The following SPMIP2 variants were observed in gnomAD, a reference collection of about 807,000 sequenced individuals.
SPMIP2 encodes the protein sperm microtubule inner protein 2.
the SPMIP2 span, among the ~76,000 whole-genome samples, chr4:159,077,203 C>A: frequency 1.3e-4 from 20 of 151,436 alleles, no homozygotes; most frequent in Non-Finnish European, 2.8e-4. Flanking sequence ...TACAATGGTG[C>A]GGTCTCGGCT....
chr4:158,998,882 C>T, the SPMIP2 span, among the ~76,000 whole-genome samples: 17 of 152,058 alleles, frequency 1.1e-4, no homozygotes, highest in South Asian at 1.7e-3. Flanking sequence ...AACGTATGTA[C>T]CATTGAGGCC....
chr4:158,929,877 T>C, the SPMIP2 span, among the ~76,000 whole-genome samples: 6 of 152,216 alleles, frequency 3.9e-5, no homozygotes, highest in Non-Finnish European at 8.8e-5. Context: ...ACCAGTGCCC[T>C]TTATTTCTTC....
At chr4:159,054,970 C>A in the SPMIP2 span, among the ~76,000 whole-genome samples, 2 of 152,180 alleles carry the variant, frequency 1.3e-5, no homozygotes, top group Admixed American at 6.5e-5. Context: ...TTATTCCCCC[C>A]ATCTGAGGCT....
At chr4:159,003,394 AGTAAG>A in the SPMIP2 span, among the ~76,000 whole-genome samples, 1 of 152,216 alleles carries the variant, frequency 6.6e-6, no homozygotes, top group Admixed American at 6.5e-5. Context: ...GTAAGAATTA[AGTAAG>A]GTATTGTATG....
the SPMIP2 span, among the ~76,000 whole-genome samples, chr4:158,984,620 C>T: frequency 6.6e-6 from 1 of 151,704 alleles, no homozygotes; most frequent in Non-Finnish European, 1.5e-5. Context: ...ATCTCTGGGA[C>T]ACATTCAAAG....
At chr4:158,923,780 T>C in the SPMIP2 span, among the ~76,000 whole-genome samples, 1 of 152,328 alleles carries the variant, frequency 6.6e-6, no homozygotes, top group African/African-American at 2.4e-5. Flanking sequence ...GACATCCTTG[T>C]CTTGTTTTTG....
At chr4:158,900,449 CATT>C in the SPMIP2 span, among the ~76,000 whole-genome samples, 12 of 152,214 alleles carry the variant, frequency 7.9e-5, no homozygotes, top group African/African-American at 2.4e-4. Context: ...TAAAGTCTCC[CATT>C]ATTATTGTGT....
At chr4:158,904,433 A>G in the SPMIP2 span, 1 of 1,541,494 alleles carries the variant, frequency 6.5e-7, no homozygotes, top group Non-Finnish European at 9.0e-7. Context: ...ATGCTCTTTT[A>G]AAGTAATATT....
At chr4:158,911,384 AAAAT>A in the SPMIP2 span, among the ~76,000 whole-genome samples, 446 of 79,276 alleles carry the variant, frequency 5.6e-3, 3 homozygotes, top group African/African-American at 0.026. Context: ...ATAAATAAAT[AAAAT>A]AAATAAAAGC....
chr4:158,897,656 G>C, the SPMIP2 span, among the ~76,000 whole-genome samples: 1 of 152,212 alleles, frequency 6.6e-6, no homozygotes, highest in South Asian at 2.1e-4. Flanking sequence ...AGAAGTGTCT[G>C]TTCATATCCT....
the SPMIP2 span, among the ~76,000 whole-genome samples, chr4:158,976,694 C>G: frequency 9.0e-6 from 1 of 111,410 alleles, no homozygotes; most frequent in Admixed American, 1.2e-4. Flanking sequence ...GAGACAGAGT[C>G]TCGCTCTGTC....
the SPMIP2 span, among the ~76,000 whole-genome samples, chr4:158,980,807 A>G: frequency 6.6e-6 from 1 of 152,224 alleles, no homozygotes; most frequent in Admixed American, 6.5e-5. Flanking sequence ...CTTCTCTTTC[A>G]AAGGATCACA....
the SPMIP2 span, chr4:158,915,293 CAT>C: frequency 6.2e-7 from 1 of 1,613,636 alleles, no homozygotes; most frequent in Admixed American, 1.7e-5. Context: ...CGAAAGCACT[CAT>C]ATGCCAGGCA....
chr4:158,947,023 TC>T, the SPMIP2 span, among the ~76,000 whole-genome samples: 4 of 151,934 alleles, frequency 2.6e-5, no homozygotes, highest in African/African-American at 9.7e-5. Context: ...AGAACCCTAC[TC>T]CCCCACTGCT....
At chr4:159,073,222 C>A in the SPMIP2 span, among the ~76,000 whole-genome samples, 9 of 152,110 alleles carry the variant, frequency 5.9e-5, no homozygotes, top group African/African-American at 2.2e-4. Flanking sequence ...GGCGCAAACA[C>A]GGCTCACTGC....
At chr4:159,010,971 CT>C in the SPMIP2 span, among the ~76,000 whole-genome samples, 1 of 152,156 alleles carries the variant, frequency 6.6e-6, no homozygotes, top group Non-Finnish European at 1.5e-5. Context: ...ACTCTCTCTT[CT>C]TCCTAGGTTT....
chr4:158,937,596 A>C, the SPMIP2 span: 4 of 154,512 alleles, frequency 2.6e-5, no homozygotes, highest in South Asian at 6.1e-4. Flanking sequence ...TAATCAAGAC[A>C]ATTTGAGGCA....
chr4:159,034,932 T>C, the SPMIP2 span: 13 of 831,132 alleles, frequency 1.6e-5, no homozygotes, highest in South Asian at 3.5e-5. Context: ...AAAAAACATA[T>C]GTGATCATTG....
At chr4:159,080,175 T>C in the SPMIP2 span, among the ~76,000 whole-genome samples, 1 of 151,818 alleles carries the variant, frequency 6.6e-6, no homozygotes, top group East Asian at 1.9e-4. Context: ...AGAAAAGATA[T>C]ATGCGTTCTG....
Sources: gnomAD v4.1 joint callset for allele counts (sites outside exome capture counted in the v4.1 genomes callset) on GRCh38, gnomAD v4.1.1 for gene constraint, MANE v1.5 for transcripts, NCBI Gene and HGNC (gene_info 2026-07-23, HGNC 2026-07-21) for gene names.